TRPM3: variants seen among roughly 807,000 people sequenced by gnomAD.
TRPM3 encodes the protein long transient receptor potential channel 3.
TRPM3 carries 77 observed loss-of-function variants against 181.2 expected under a neutral mutation model. The observed-to-expected ratio is 0.42, with a 90% CI of 0.35 to 0.51. The LOEUF (loss-of-function observed/expected upper bound fraction) is 0.51, where lower values mean the gene tolerates loss of function less well. Among genes scored for constraint, TRPM3 ranks in the 20% least tolerant of loss-of-function variants. The pLI, the probability that TRPM3 is intolerant of heterozygous loss-of-function variation, is 0.01. For synonymous variants in TRPM3, 745 were observed against 796.4 expected (o/e 0.94, Z 1.09); for missense variants, 1,759 against 2,196.7 (o/e 0.80, Z 3.98).
At chr9:70,626,128 A>T (rs1042418101) in intron 12 of TRPM3, among the ~76,000 whole-genome samples, 2 of 152,192 alleles carry the variant, frequency 1.3e-5, no homozygotes, top group African/African-American at 4.8e-5. Flanking sequence ...GCTGTTTGCC[A>T]TCTATACATG....
At chr9:70,858,828 T>A (rs2095450939) in intron 3 of TRPM3, among the ~76,000 whole-genome samples, 1 of 152,138 alleles carries the variant, frequency 6.6e-6, no homozygotes, top group South Asian at 2.1e-4. Context: ...TATCCTTGAA[T>A]TTGTGTTTAG....
At chr9:71,406,481 T>C (rs1325013570) in intron 1 of TRPM3, among the ~76,000 whole-genome samples, 1 of 152,308 alleles carries the variant, frequency 6.6e-6, no homozygotes, top group African/African-American at 2.4e-5. Flanking sequence ...CACCTTCCTT[T>C]GTAAGAAACT....
At chr9:70,559,779 C>T (rs186284856) in intron 22 of TRPM3, among the ~76,000 whole-genome samples, 1 of 152,234 alleles carries the variant, frequency 6.6e-6, no homozygotes, top group East Asian at 1.9e-4. Flanking sequence ...GCCCACATGG[C>T]CTGGCCAGTA....
Position 71,377,522 on chromosome 9 carries a change from G to A in TRPM3, c.183+69131C>T, listed in dbSNP as rs4327920. On this transcript the variant is annotated intron_variant, in intron 1 of 24. Transcript: ENST00000357533. Reference sequence around the variant, plus strand: ...AACCAACTTACCATGAGACAGTTCTGTAGCAAATCACCATGCCCACCTCTC... The same window carrying A: ...AACCAACTTACCATGAGACAGTTCTATAGCAAATCACCATGCCCACCTCTC... Among the ~76,000 whole-genome samples the A allele has an allele frequency of 2.0e-5, 3 of 151,950 alleles. No homozygotes were observed. In the East Asian group the frequency reaches 5.8e-4, roughly 29 times the overall value.
chr9:70,640,573 C>G lies in TRPM3; in HGVS notation c.1433G>C (p.Gly478Ala). The change falls in exon 10 of 26, where the codon GGG becomes GCG. Residue 478 changes from glycine (G) to alanine (A), a missense_variant. Transcript: ENST00000677713. ...TATATACTCTACCGGCCACTGTTGC[C>G]CGTAAATAAAGATCTGGCTGCGAGC... is the stretch of plus-strand genomic sequence containing the variant. ...DIARSQIFIY[G>A]QQWPVGSLEQ... 1 of 1,613,342 alleles carries G rather than the reference C, an allele frequency of 6.2e-7. No homozygotes were observed. The highest frequency in any genetic ancestry group is 8.5e-7 in the Non-Finnish European group (1 of 1,179,664).
intron 5 of TRPM3, among the ~76,000 whole-genome samples, chr9:70,830,444 T>C (rs2093820072): frequency 6.6e-6 from 1 of 152,198 alleles, no homozygotes; most frequent in African/African-American, 2.4e-5. Context: ...ACATCTGAAT[T>C]GGTCATGGCA....
At chr9:70,657,322 T>C (rs927610019) in intron 9 of TRPM3, among the ~76,000 whole-genome samples, 3 of 151,934 alleles carry the variant, frequency 2.0e-5, no homozygotes, top group African/African-American at 7.2e-5. Context: ...TCAACTTTTA[T>C]TGCATCTCAC....
chr9:71,124,896 A>C (rs2073937607), upstream of TRPM3, among the ~76,000 whole-genome samples: 1 of 152,208 alleles, frequency 6.6e-6, no homozygotes, highest in South Asian at 2.1e-4. Flanking sequence ...TTTTCTGCAA[A>C]CAACACTAAA....
chr9:71,125,703 A>G (rs919293762), upstream of TRPM3, among the ~76,000 whole-genome samples: 2 of 152,182 alleles, frequency 1.3e-5, no homozygotes, highest in African/African-American at 4.8e-5. Context: ...TTTGGGGGAT[A>G]CATACCACTA....
chr9:71,360,803 G>C (rs751699235), intron 1 of TRPM3, among the ~76,000 whole-genome samples: 9 of 152,086 alleles, frequency 5.9e-5, no homozygotes, highest in South Asian at 2.1e-4. Context: ...AAGTAATAAT[G>C]GTAGAGTTTG....
intron 7 of TRPM3, among the ~76,000 whole-genome samples, chr9:70,781,388 T>A (rs1398961310): frequency 3.3e-5 from 5 of 149,840 alleles, no homozygotes; most frequent in Admixed American, 2.0e-4. Context: ...TTGGGGTTGT[T>A]GTATAATGGC....
At chr9:70,633,514 G>A (rs2066288300) in intron 12 of TRPM3, among the ~76,000 whole-genome samples, 1 of 152,140 alleles carries the variant, frequency 6.6e-6, no homozygotes, top group African/African-American at 2.4e-5. Context: ...AAAACTACAG[G>A]CTTCACCCAC....
intron 1 of TRPM3, among the ~76,000 whole-genome samples, chr9:71,261,920 C>T (rs1346679387): frequency 6.6e-6 from 1 of 152,138 alleles, no homozygotes; most frequent in Non-Finnish European, 1.5e-5. Flanking sequence ...TGGGAGCTCT[C>T]ATGTATGAAG....
chr9:70,748,926 CT>C (rs1435066531), intron 8 of TRPM3, among the ~76,000 whole-genome samples: 13 of 152,156 alleles, frequency 8.5e-5, no homozygotes, highest in Admixed American at 8.5e-4. Context: ...GCTCTGTCCC[CT>C]GGGCTGGAGT....
chr9:71,062,338 G>T (rs995127377), intron 1 of TRPM3, among the ~76,000 whole-genome samples: 1 of 151,976 alleles, frequency 6.6e-6, no homozygotes, highest in Non-Finnish European at 1.5e-5. Context: ...TCAGTTTTAT[G>T]TCTTCATATT....
At chr9:71,271,628 GA>G (rs201449806) in intron 1 of TRPM3, among the ~76,000 whole-genome samples, 1,742 of 142,620 alleles carry the variant, frequency 0.012, 26 homozygotes, top group East Asian at 0.077. Context: ...AGAAGAAGAA[GA>G]AAAAAAAAAA....
intron 1 of TRPM3, among the ~76,000 whole-genome samples, chr9:71,248,601 C>A (rs2082168468): frequency 1.3e-5 from 2 of 152,256 alleles, no homozygotes; most frequent in South Asian, 2.1e-4. Flanking sequence ...TTATTTGTTG[C>A]AAATCCTGTC....
At chr9:70,940,642 A>G (rs2096877083) in intron 1 of TRPM3, among the ~76,000 whole-genome samples, 1 of 152,246 alleles carries the variant, frequency 6.6e-6, no homozygotes, top group African/African-American at 2.4e-5. Context: ...ATGAAGTGGA[A>G]TGAATATCAA....
chr9:70,959,815 C>T (rs537230808), intron 1 of TRPM3, among the ~76,000 whole-genome samples: 3 of 152,248 alleles, frequency 2.0e-5, no homozygotes, highest in African/African-American at 4.8e-5. Context: ...TGAACATCAA[C>T]GTTATAATTT....
Sources: allele counts gnomAD v4.1 joint callset (sites outside exome capture counted in the v4.1 genomes callset), GRCh38; gene constraint gnomAD v4.1.1; transcripts MANE v1.5; gene names NCBI Gene and HGNC (gene_info 2026-07-23, HGNC 2026-07-21).